DBX2: variants seen among roughly 807,000 people sequenced by gnomAD.
DBX2 encodes the protein developing brain homeobox 2, also known as homeobox protein DBX2.
DBX2 carries 16 observed loss-of-function variants against 17.7 expected under a neutral mutation model. The ratio of observed to expected loss-of-function variants is 0.90; its 90% CI spans 0.61 to 1.37. The LOEUF is 1.37. DBX2 is among the 40% of genes most tolerant of loss of function. DBX2 has a pLI of 0.00. For synonymous variants in DBX2, 255 were observed against 183.8 expected, an observed-to-expected ratio of 1.39 and a Z score of -3.13; for missense variants, 538 against 433.8, an observed-to-expected ratio of 1.24 and a Z score of -2.13.
At chr12:45,039,305 A>C (rs1395844689) in intron 1 of DBX2, among the ~76,000 whole-genome samples, 1 of 99,012 alleles carries the variant, frequency 1.0e-5, no homozygotes, top group African/African-American at 4.7e-5. Context: ...ATATATATAT[A>C]TATATATATA....
Position 45,036,077 on chromosome 12 carries a change from G to A in DBX2, c.441C>T (p.Phe147=). The A allele has an allele frequency of 6.2e-7, 1 of 1,613,682 alleles. No individual in the cohort carries two copies. The highest frequency in any genetic ancestry group is 8.5e-7 in the Non-Finnish European group (1 of 1,179,872). Reference sequence around the variant, plus strand: ...AGGACCCACCGCAGCACGCCGAGTAGAATGGCGGGGTGCTCAGAAGGAAAG... The same window carrying A: ...AGGACCCACCGCAGCACGCCGAGTAAAATGGCGGGGTGCTCAGAAGGAAAG... The part of the protein sequence containing the change: ...SKPFLLSTPP[F]YSACCGGSCR... The change falls in exon 2 of 4, where the codon TTC becomes TTT. Residue 147 remains phenylalanine (F), a synonymous_variant. Coordinates refer to ENST00000332700, the MANE Select transcript of DBX2 (RefSeq NM_001004329.3).
At chr12:45,021,165 T>C (rs1409978070) in intron 3 of DBX2, among the ~76,000 whole-genome samples, 1 of 152,176 alleles carries the variant, frequency 6.6e-6, no homozygotes, top group South Asian at 2.1e-4. Flanking sequence ...GTGTAATTGA[T>C]ACATTTGTGT....
At chr12:45,029,223 A>G (rs1946396322) in intron 2 of DBX2, among the ~76,000 whole-genome samples, 1 of 152,244 alleles carries the variant, frequency 6.6e-6, no homozygotes, top group Non-Finnish European at 1.5e-5. Flanking sequence ...ATGAGGCTTT[A>G]AAAGCTGGAG....
chr12:45,048,186 C>A (rs1039247996), intron 1 of DBX2, among the ~76,000 whole-genome samples: 1 of 152,068 alleles, frequency 6.6e-6, no homozygotes, highest in Admixed American at 6.5e-5. Flanking sequence ...CGCAGTTAAA[C>A]GGTGCTATAT....
At chr12:45,048,066 A>G (rs1477082210) in intron 1 of DBX2, among the ~76,000 whole-genome samples, 1 of 152,292 alleles carries the variant, frequency 6.6e-6, no homozygotes, top group South Asian at 2.1e-4. Flanking sequence ...TACATGGGAG[A>G]CACTCAGTAA....
Position 45,047,272 on chromosome 12 carries a change from T to A in DBX2, c.403+3253A>T, listed in dbSNP as rs187162393. 1.3e-4 allele frequency among the ~76,000 whole-genome samples: 20 copies of A among 152,258 alleles called. No homozygotes were observed. The East Asian group carries it at 3.3e-3, about 25-fold the overall frequency. ...ATCAGGAAACTTCTGAGGAAGGATGTCTAATAATCAGAGTTTACTCAAAAA... is the reference window on the plus strand; with the variant it reads ...ATCAGGAAACTTCTGAGGAAGGATGACTAATAATCAGAGTTTACTCAAAAA... On this transcript the variant is annotated intron_variant, in intron 1 of 3. Transcript: ENST00000332700.
chr12:45,015,820 G>C lies in DBX2; in HGVS notation c.*466C>G, dbSNP rs2137015958. On this transcript the variant is annotated 3_prime_UTR_variant, in exon 4 of 4. Coordinates refer to ENST00000332700, the MANE Select transcript of DBX2 (RefSeq NM_001004329.3). ...AGAATTTTTAAAAACATGTTTTTGG[G>C]GTATGAAAGTTTGCACTAAAGTCCA... 6.6e-6 allele frequency: 1 copy of C among 152,118 alleles called. No individual in the cohort carries two copies. The highest frequency in any genetic ancestry group is 1.9e-4 in the East Asian group (1 of 5,168). The allele number at this position is 152,118 out of a possible 1,614,324, so 9.4% of individuals were successfully genotyped here. A position where few individuals can be genotyped will look rare whatever the true frequency, so the allele number is the denominator to read the frequency against.
intron 1 of DBX2, among the ~76,000 whole-genome samples, chr12:45,039,155 C>CTTT (rs34579445): frequency 6.9e-6 from 1 of 144,038 alleles, no homozygotes; most frequent in Non-Finnish European, 1.5e-5. Flanking sequence ...CAATTAAGTG[C>CTTT]TTTTTTTTTT....
At chr12:45,019,339 T>C (rs1422166205) in intron 3 of DBX2, among the ~76,000 whole-genome samples, 2 of 151,990 alleles carry the variant, frequency 1.3e-5, no homozygotes, top group African/African-American at 2.4e-5. Flanking sequence ...ATTCACAGAC[T>C]ACAAATGGCC....
At chr12:45,022,087 TTTTA>T (rs1186824900) in intron 3 of DBX2, among the ~76,000 whole-genome samples, 1 of 152,142 alleles carries the variant, frequency 6.6e-6, no homozygotes, top group Non-Finnish European at 1.5e-5. Flanking sequence ...TTTGTTTCTG[TTTTA>T]TTTAAGTGAG....
intron 1 of DBX2, among the ~76,000 whole-genome samples, chr12:45,048,219 A>C (rs996460875): frequency 6.6e-6 from 1 of 152,198 alleles, no homozygotes; most frequent in Admixed American, 6.5e-5. Flanking sequence ...CTTAAAAATA[A>C]CTCTGGGGCT....
intron 2 of DBX2, among the ~76,000 whole-genome samples, chr12:45,026,427 A>G (rs1015390764): frequency 6.6e-6 from 1 of 152,242 alleles, no homozygotes; most frequent in Non-Finnish European, 1.5e-5. Context: ...AATCTATGGC[A>G]TGAATGCTAC....
At chr12:45,032,566 C>T (rs1946416041) in intron 2 of DBX2, among the ~76,000 whole-genome samples, 1 of 152,152 alleles carries the variant, frequency 6.6e-6, no homozygotes, top group Non-Finnish European at 1.5e-5. Flanking sequence ...TTCCTTTCTG[C>T]CTTCAACACA....
In DBX2 at chr12:45,050,733, G is replaced by T; in HGVS notation, c.195C>A (p.Ala65=). The T allele has an allele frequency of 6.7e-7, 1 of 1,496,412 alleles. No homozygotes were observed. Among genetic ancestry groups the T allele is most frequent in the Admixed American group, 2.4e-5 (1 of 41,894 alleles). 92.7% of individuals were successfully genotyped at this position (1,496,412 alleles called of 1,614,324 possible). Reference sequence around the variant, plus strand: ...GGAGCTGCGCGCCCGCGGTGGCCAGGGCGGTCGCCGGGTCGTGGGGCGCGG... The same window carrying T: ...GGAGCTGCGCGCCCGCGGTGGCCAGTGCGGTCGCCGGGTCGTGGGGCGCGG... The part of the protein sequence containing the change: ...QPPAPHDPAT[A]LATAGAQLRP... Residue 65 remains alanine (A), a synonymous_variant, in exon 1 of 4, where the codon GCC becomes GCA. Transcript: ENST00000332700.
intron 2 of DBX2, among the ~76,000 whole-genome samples, chr12:45,035,070 G>C (rs1052210257): frequency 5.3e-5 from 8 of 152,250 alleles, no homozygotes; most frequent in Non-Finnish European, 8.8e-5. Flanking sequence ...TAAACGGCCA[G>C]CATTTGCTGC....
intron 1 of DBX2, among the ~76,000 whole-genome samples, chr12:45,038,403 A>C (rs1019871646): frequency 6.6e-6 from 1 of 150,478 alleles, no homozygotes; most frequent in East Asian, 1.9e-4. Context: ...AACAGAAAAC[A>C]AAAAAAAAGG....
At position 45,050,635 on chromosome 12, in the gene DBX2, GGC is replaced by G; in HGVS notation, c.291_292del (p.Pro98LeufsTer82). 6.5e-7 allele frequency: 1 copy of G among 1,550,072 alleles called. No individual in the cohort carries two copies. The highest frequency in any genetic ancestry group is 2.4e-5 in the East Asian group (1 of 40,948). On this transcript the variant is annotated frameshift_variant, in exon 1 of 4. Transcript: ENST00000332700. LOFTEE classifies it high-confidence loss of function. ...TTGAAAAGCCCACCGCGTTCCGTAGGGCGCCCCGGCGGGGCTAACTTGTTCGG... is the reference window on the plus strand; with the variant it reads ...TTGAAAAGCCCACCGCGTTCCGTAGGGCCCCGGCGGGGCTAACTTGTTCGG...
chr12:45,027,835 G>C (rs1428868532), intron 2 of DBX2, among the ~76,000 whole-genome samples: 8 of 152,198 alleles, frequency 5.3e-5, no homozygotes, highest in Admixed American at 4.6e-4. Flanking sequence ...CAGTTACTGA[G>C]TTGTTGTTGA....
chr12:45,027,120 C>T (rs1487563664), intron 2 of DBX2, among the ~76,000 whole-genome samples: 1 of 152,184 alleles, frequency 6.6e-6, no homozygotes, highest in African/African-American at 2.4e-5. Flanking sequence ...ACATGCATGA[C>T]TTAAGGCAAG....
Sources: allele counts gnomAD v4.1 joint callset (sites outside exome capture counted in the v4.1 genomes callset), GRCh38; gene constraint gnomAD v4.1.1; transcripts MANE v1.5; gene names NCBI Gene and HGNC (gene_info 2026-07-23, HGNC 2026-07-21).